Variants in ZNF274 observed in about 807,000 individuals in gnomAD.
The protein encoded by ZNF274 is neurotrophin receptor-interacting factor homolog.
Under a neutral mutation model 42.5 loss-of-function variants are expected in ZNF274, and 23 were observed. That is an observed-to-expected ratio of 0.54 (90% CI 0.39 to 0.77). The LOEUF (loss-of-function observed/expected upper bound fraction) is 0.77, where lower values mean the gene tolerates loss of function less well. ZNF274 is among the 30% of genes least tolerant of loss of function. The pLI, the probability that ZNF274 is intolerant of heterozygous loss-of-function variation, is 0.00. For synonymous variants in ZNF274, 292 were observed against 305.4 expected (o/e 0.96, Z 0.46); for missense variants, 679 against 806.5 (o/e 0.84, Z 1.91).
Position 58,207,260 on chromosome 19 carries a change from G to T in ZNF274, c.739+58G>T. The T allele has an allele frequency of 1.4e-5, 21 of 1,529,372 alleles. No homozygotes were observed. The Middle Eastern group carries it at 1.9e-3, about 140-fold the overall frequency. The allele number at this position is 1,529,372 out of a possible 1,614,324, so 94.7% of individuals were successfully genotyped here. A position where few individuals can be genotyped will look rare whatever the true frequency, so the allele number is the denominator to read the frequency against. On this transcript the variant is annotated intron_variant, in intron 5 of 7. Transcript: ENST00000617501. The surrounding 1 kb of genome is among the most constrained non-coding windows in gnomAD (Gnocchi z 5.6). ...ATGAGGGTGTCTTGGAGTACCCTGT[G>T]GGGGAGATAAGAACTCCAGGCTTCC... is the stretch of plus-strand genomic sequence containing the variant.
intron 1 of ZNF274, 34 bp from the exon 2 acceptor site, chr19:58,183,887 C>T (rs1663075158): frequency 2.7e-6 from 4 of 1,470,536 alleles, no homozygotes; most frequent in South Asian, 2.4e-5. Flanking sequence ...ACACCTTAAG[C>T]CTCTCCCTCC....
intron 4 of ZNF274, among the ~76,000 whole-genome samples, chr19:58,190,075 A>G (rs578198583): frequency 2.6e-4 from 39 of 150,040 alleles, no homozygotes; most frequent in Non-Finnish European, 5.0e-4. Flanking sequence ...GTGAACCCAG[A>G]CTGCGCCACT....
At chr19:58,199,635 C>T (rs2075886192) in intron 4 of ZNF274, among the ~76,000 whole-genome samples, 1 of 152,210 alleles carries the variant, frequency 6.6e-6, no homozygotes, top group African/African-American at 2.4e-5. Flanking sequence ...ATTGCTTGAA[C>T]TCAGGAGTTG....
chr19:58,203,047 C>T (rs1005006227), intron 4 of ZNF274, among the ~76,000 whole-genome samples: 3 of 152,038 alleles, frequency 2.0e-5, no homozygotes, highest in East Asian at 3.9e-4. Flanking sequence ...GAAAATCCCT[C>T]GATTAAGGAA....
chr19:58,183,597 G>T (rs577705017), intron 1 of ZNF274, 155 bp downstream of exon 1: 1 of 206,954 alleles, frequency 4.8e-6, no homozygotes, highest in African/African-American at 2.3e-5. Flanking sequence ...GTGGGATGGG[G>T]TCGGTGACCC....
chr19:58,184,067 T>C (rs1383372379), intron 2 of ZNF274, 69 bp downstream of exon 2: 10 of 1,496,284 alleles, frequency 6.7e-6, no homozygotes, highest in Non-Finnish European at 9.1e-6. Flanking sequence ...GGTGGTGAGA[T>C]ACCACCTTCC....
intron 4 of ZNF274, among the ~76,000 whole-genome samples, chr19:58,193,952 ATATATC>A (rs1421633450): frequency 6.6e-6 from 1 of 151,994 alleles, no homozygotes; most frequent in Non-Finnish European, 1.5e-5. Flanking sequence ...ATCTATATCT[ATATATC>A]TATATCACAT....
intron 4 of ZNF274, among the ~76,000 whole-genome samples, chr19:58,191,057 T>C (rs2075773386): frequency 1.3e-5 from 2 of 152,350 alleles, no homozygotes; most frequent in African/African-American, 2.4e-5. Flanking sequence ...TGAAAATCTT[T>C]GTTAGCAAAA....
intron 4 of ZNF274, among the ~76,000 whole-genome samples, chr19:58,205,161 C>G (rs2075967280): frequency 6.6e-6 from 1 of 152,188 alleles, no homozygotes; most frequent in African/African-American, 2.4e-5. Context: ...GTGAAAGTAG[C>G]TGTGGTTCCT....
At chr19:58,187,781 A>G (rs2075717763) in intron 4 of ZNF274, among the ~76,000 whole-genome samples, 1 of 151,998 alleles carries the variant, frequency 6.6e-6, no homozygotes. Flanking sequence ...GCTGGAGTGC[A>G]GTGGTGTGAT....
Position 58,190,153 on chromosome 19 carries a change from T to C in ZNF274, c.256+3111T>C, listed in dbSNP as rs909618340. 4.4e-3 allele frequency among the ~76,000 whole-genome samples: 413 copies of C among 94,918 alleles called. 5 individuals are homozygous for C. Among genetic ancestry groups the C allele is most frequent in the African/African-American group, 0.011 (373 of 33,032 alleles). The allele number at this position is 94,918 out of a possible 152,430, so 62.3% of individuals were successfully genotyped here. ...AAAAAAAAAAAATTTATCTCTCTCT[T>C]TTTTTTTTTTTTTTTGAGATGGAGT... On this transcript the variant is annotated intron_variant, in intron 4 of 7. Transcript: ENST00000617501.
chr19:58,213,030 C>T lies in ZNF274; in HGVS notation c.1849C>T (p.Arg617Cys), dbSNP rs1339108126. Residue 617 changes from arginine (R) to cysteine (C), a missense_variant, in exon 8 of 8, where the codon CGC (arginine) becomes TGC (cysteine). Arg to Cys is a radical substitution (Grantham distance 180, BLOSUM62 -3). Transcript: ENST00000617501. ...IRHQRTHTGERPYACNKCGKA... is the reference protein window; with the variant it reads ...IRHQRTHTGECPYACNKCGKA... ...ACATCAGAGGACTCACACCGGGGAG[C>T]GCCCATATGCATGCAACAAATGTGG... 4 of 1,613,952 alleles carry T rather than the reference C, an allele frequency of 2.5e-6. No individual in the cohort carries two copies. Among genetic ancestry groups the T allele is most frequent in the Non-Finnish European group, 3.4e-6 (4 of 1,179,896 alleles).
In ZNF274 at chr19:58,212,705, A is replaced by G. The variant is rs140282614; in HGVS notation, c.1524A>G (p.Arg508=). ...IRIHKGSQVC[R]CSECGKIFRN... Reference sequence around the variant, plus strand: ...TTCACAAGGGGAGCCAAGTTTGCCGATGCAGTGAATGTGGTAAAATATTCC... The same window carrying G: ...TTCACAAGGGGAGCCAAGTTTGCCGGTGCAGTGAATGTGGTAAAATATTCC... Residue 508 remains arginine (R), a synonymous_variant, in exon 8 of 8, where the codon CGA becomes CGG. Transcript: ENST00000617501. The surrounding 1 kb of genome is among the most constrained non-coding windows in gnomAD (Gnocchi z 4.6). 1.4e-4 allele frequency: 225 copies of G among 1,614,034 alleles called. No homozygotes were observed. In the East Asian group the frequency reaches 4.3e-3, roughly 31 times the overall value.
intron 1 of ZNF274, chr19:58,183,651 G>A: frequency 6.9e-6 from 2 of 288,284 alleles, no homozygotes; most frequent in Admixed American, 4.8e-5. Context: ...CCGCGGTGGA[G>A]AGAACAGATC....
Position 58,206,775 on chromosome 19 carries a change from C to G in ZNF274, c.312C>G (p.Pro104=). 6.2e-7 allele frequency: 1 copy of G among 1,612,418 alleles called. No homozygotes were observed. The stretch of plus-strand genomic sequence containing the variant: ...TGGATCCTCTTCCTGCTGAGAGTCC[C>G]CTAATGAACATTGAGGTTGTTGAGG... ...PKLDPLPAES[P]LMNIEVVEVL... is the part of the protein sequence containing the mutation. Residue 104 remains proline (P), a synonymous_variant, in exon 5 of 8, where the codon CCC becomes CCG. Transcript: ENST00000617501.
rs374662920 is a variant in ZNF274, at chr19:58,213,022, C to A, written c.1841C>A (p.Thr614Asn). 1.6e-5 allele frequency: 26 copies of A among 1,613,926 alleles called. No individual in the cohort carries two copies. The highest frequency in any genetic ancestry group is 2.2e-5 in the Non-Finnish European group (26 of 1,179,924). ...CTCATCAGACATCAGAGGACTCACA[C>A]CGGGGAGCGCCCATATGCATGCAAC... ...SHLIRHQRTH[T>N]GERPYACNKC... Residue 614 changes from threonine (T) to asparagine (N), a missense_variant, in exon 8 of 8, where the codon ACC (threonine) becomes AAC (asparagine). Physicochemically the swap from Thr to Asn is moderately conservative, Grantham distance 65. Transcript: ENST00000617501.
At chr19:58,197,363 G>A (rs2445858) in intron 4 of ZNF274, among the ~76,000 whole-genome samples, 95,435 of 152,090 alleles carry the variant, frequency 0.63, 30,557 homozygotes, top group African/African-American at 0.74. Context: ...AAAGAACCCC[G>A]TTGAATAATA....
chr19:58,197,118 T>G (rs2075852545), intron 4 of ZNF274, among the ~76,000 whole-genome samples: 1 of 152,198 alleles, frequency 6.6e-6, no homozygotes, highest in South Asian at 2.1e-4. Flanking sequence ...TCACAGAAGT[T>G]GTACTAGAGA....
chr19:58,188,007 G>C (rs897633658), intron 4 of ZNF274, among the ~76,000 whole-genome samples: 2 of 152,214 alleles, frequency 1.3e-5, no homozygotes, highest in African/African-American at 4.8e-5. Flanking sequence ...TTACAGGCAT[G>C]AGCCATTGTG....
Sources: allele counts gnomAD v4.1 joint callset (sites outside exome capture counted in the v4.1 genomes callset), GRCh38; gene constraint gnomAD v4.1.1; non-coding constraint Gnocchi (gnomAD v3.1); transcripts MANE v1.5; gene names NCBI Gene and HGNC (gene_info 2026-07-23, HGNC 2026-07-21).